The following DGKB variants were observed in gnomAD, a reference collection of about 807,000 sequenced individuals.
The protein encoded by DGKB is 90 kDa diacylglycerol kinase.
A neutral mutation model predicts 114.3 loss-of-function variants in DGKB; 67 were observed. That is an observed-to-expected ratio of 0.59 (90% CI 0.48 to 0.72). DGKB has a LOEUF of 0.72. DGKB is among the 30% of genes least tolerant of loss of function. DGKB has a pLI of 0.00. For synonymous variants in DGKB, 398 were observed against 323.1 expected (o/e 1.23, Z -2.49); for missense variants, 907 against 975.2 (o/e 0.93, Z 0.93).
At chr7:14,428,979 G>A (rs1006807690) in intron 21 of DGKB, among the ~76,000 whole-genome samples, 3 of 151,744 alleles carry the variant, frequency 2.0e-5, no homozygotes, top group African/African-American at 2.4e-5. Context: ...AAAAGTTGGT[G>A]GTTTAATAAT....
At chr7:14,533,865 AC>A (rs1426646777) in intron 20 of DGKB, among the ~76,000 whole-genome samples, 1 of 151,968 alleles carries the variant, frequency 6.6e-6, no homozygotes, top group African/African-American at 2.4e-5. Flanking sequence ...ATAAACAATA[AC>A]TAAGGGAAAT....
chr7:14,412,125 T>A (rs904217830), intron 21 of DGKB, among the ~76,000 whole-genome samples: 1 of 152,208 alleles, frequency 6.6e-6, no homozygotes, highest in African/African-American at 2.4e-5. Context: ...ATTGTGTATG[T>A]GTATGCATAG....
chr7:14,460,569 T>A lies in DGKB; in HGVS notation c.1835+17592A>T, dbSNP rs138566757. Among the ~76,000 whole-genome samples the A allele has an allele frequency of 8.2e-4, 124 of 151,958 alleles. 1 individual carries two copies. The East Asian group carries it at 0.016, about 19-fold the overall frequency. ...AGAAGAGCTAACTCTCCTAAATATA[T>A]ATGCATCCAATACAGGGGGACGCAG... On this transcript the variant is annotated intron_variant, in intron 21 of 25. Transcript: ENST00000402815.
chr7:14,448,868 T>C (rs2128832141), intron 21 of DGKB, among the ~76,000 whole-genome samples: 1 of 152,042 alleles, frequency 6.6e-6, no homozygotes, highest in East Asian at 1.9e-4. Context: ...GATTTTAAGA[T>C]TAATTTGAGT....
At chr7:14,660,546 C>T (rs1242808077) in intron 13 of DGKB, among the ~76,000 whole-genome samples, 1 of 152,000 alleles carries the variant, frequency 6.6e-6, no homozygotes, top group Non-Finnish European at 1.5e-5. Context: ...GTTTGTATTT[C>T]TGTGGGATCG....
At chr7:14,911,454 G>A (rs1783997142) in intron 1 of DGKB, among the ~76,000 whole-genome samples, 1 of 151,898 alleles carries the variant, frequency 6.6e-6, no homozygotes, top group African/African-American at 2.4e-5. Flanking sequence ...TAACTTATAA[G>A]CTCTATAAGT....
chr7:14,696,777 C>A (rs1230422210), intron 8 of DGKB, among the ~76,000 whole-genome samples: 3 of 152,116 alleles, frequency 2.0e-5, no homozygotes, highest in Non-Finnish European at 4.4e-5. Flanking sequence ...CAAATGACAA[C>A]CTGTTAATGA....
intron 21 of DGKB, among the ~76,000 whole-genome samples, chr7:14,447,707 T>C (rs773471134): frequency 3.9e-5 from 6 of 152,232 alleles, no homozygotes; most frequent in South Asian, 2.1e-4. Context: ...CACTTCTAGA[T>C]ACCAAAATAC....
At chr7:14,888,928 C>T (rs1227361506) in intron 1 of DGKB, among the ~76,000 whole-genome samples, 1 of 151,558 alleles carries the variant, frequency 6.6e-6, no homozygotes, top group Non-Finnish European at 1.5e-5. Flanking sequence ...CTTAGCTGGA[C>T]TTTGTAGCTT....
At chr7:14,758,890 T>TAGAC (rs1835262105) in intron 2 of DGKB, among the ~76,000 whole-genome samples, 1 of 116,352 alleles carries the variant, frequency 8.6e-6, no homozygotes, top group Non-Finnish European at 1.6e-5. Flanking sequence ...AAACAATAGA[T>TAGAC]AGATAGATAG....
chr7:14,814,147 G>C (rs1032370509), intron 2 of DGKB: 1 of 152,156 alleles, frequency 6.6e-6, no homozygotes, highest in Admixed American at 6.5e-5. Flanking sequence ...TTCAGGCATG[G>C]TGAGTGACCC....
chr7:14,404,338 T>C (rs10243451), intron 21 of DGKB, among the ~76,000 whole-genome samples: 113,837 of 151,460 alleles, frequency 0.75, 43,380 homozygotes, highest in Middle Eastern at 0.83. Context: ...TCATGACCTT[T>C]TTTTTATTGA....
intron 21 of DGKB, among the ~76,000 whole-genome samples, chr7:14,449,894 C>T (rs145475047): frequency 1.8e-4 from 28 of 152,122 alleles, no homozygotes; most frequent in East Asian, 9.7e-4. Context: ...CAAACTCTCA[C>T]GGAGAATGTT....
chr7:14,586,707 C>T (rs1184033256), intron 17 of DGKB, among the ~76,000 whole-genome samples: 3 of 152,000 alleles, frequency 2.0e-5, no homozygotes, highest in African/African-American at 7.2e-5. Context: ...GCTCATTTGC[C>T]ATTATGAAAA....
chr7:14,535,203 A>G (rs974355695), intron 20 of DGKB, among the ~76,000 whole-genome samples: 2 of 151,924 alleles, frequency 1.3e-5, no homozygotes, highest in African/African-American at 2.4e-5. Context: ...AACTGTCTCA[A>G]CAAAAAAACA....
intron 17 of DGKB, among the ~76,000 whole-genome samples, chr7:14,601,220 C>T (rs552922385): frequency 3.7e-4 from 56 of 152,290 alleles, no homozygotes; most frequent in African/African-American, 1.3e-3. Context: ...CCCAGGAGTG[C>T]TGCACTAGAA....
intron 1 of DGKB, among the ~76,000 whole-genome samples, chr7:14,873,645 CTA>C (rs150918252): frequency 2.0e-5 from 3 of 151,334 alleles, no homozygotes; most frequent in African/African-American, 7.3e-5. Context: ...TTTACATATA[CTA>C]TATATATATA....
intron 20 of DGKB, among the ~76,000 whole-genome samples, chr7:14,570,333 A>G (rs535599398): frequency 6.6e-6 from 1 of 151,544 alleles, no homozygotes; most frequent in South Asian, 2.1e-4. Context: ...TTTCCTTTTC[A>G]AGTTTTTTGG....
chr7:14,590,446 G>A (rs975002984), intron 17 of DGKB, among the ~76,000 whole-genome samples: 1 of 151,998 alleles, frequency 6.6e-6, no homozygotes. Flanking sequence ...ATTCCATGAT[G>A]ATGTTTCATC....
Sources: gnomAD v4.1 joint callset for allele counts (sites outside exome capture counted in the v4.1 genomes callset) on GRCh38, gnomAD v4.1.1 for gene constraint, MANE v1.5 for transcripts, NCBI Gene and HGNC (gene_info 2026-07-23, HGNC 2026-07-21) for gene names.